GLYATL2: variants seen among roughly 807,000 people sequenced by gnomAD.
GLYATL2 encodes the protein glycine N-acyltransferase-like protein 2.
In GLYATL2, 25 loss-of-function variants were observed where a neutral mutation model predicts 21.4. The ratio of observed to expected loss-of-function variants is 1.17; its 90% CI spans 0.85 to 1.63. GLYATL2 has a LOEUF of 1.63. Among genes scored for constraint, GLYATL2 ranks in the 40% most tolerant of loss-of-function variants. The probability of loss-of-function intolerance (pLI) is 0.00; values close to 1 mark genes in which losing one functional copy is unlikely to be tolerated. For missense variants in GLYATL2, 361 were observed against 343.3 expected, an observed-to-expected ratio of 1.05 and a Z score of -0.41; for synonymous variants, 114 against 118.2, an observed-to-expected ratio of 0.96 and a Z score of 0.23.
chr11:58,855,927 C>T (rs538441379), intron 1 of GLYATL2, among the ~76,000 whole-genome samples: 11 of 152,132 alleles, frequency 7.2e-5, no homozygotes, highest in African/African-American at 2.7e-4. Context: ...AGTTTGAGAC[C>T]AGCCTGACCA....
At position 58,834,529 on chromosome 11, in the gene GLYATL2, T is replaced by C. The variant is rs1326377326; in HGVS notation, c.785A>G (p.Asp262Gly). 1 of 1,613,630 alleles carries C rather than the reference T, an allele frequency of 6.2e-7. No individual in the cohort carries two copies. Among genetic ancestry groups the C allele is most frequent in the African/African-American group, 1.3e-5 (1 of 74,908 alleles). ...TGCCTGTAGGCTTTTCTCATTATTA[T>C]CTGCCACATGGAAATAAAATGGGAT... Reference protein sequence around the residue: ...KEIPFYFHVADNNEKSLQALN... With the variant: ...KEIPFYFHVAGNNEKSLQALN... The change falls in exon 6 of 6, where the codon GAT (aspartate) becomes GGT (glycine). Residue 262 changes from aspartate (D) to glycine (G), a missense_variant. Transcript: ENST00000287275.
upstream of GLYATL2, among the ~76,000 whole-genome samples, chr11:58,848,042 A>G (rs562181328): frequency 1.3e-5 from 2 of 150,400 alleles, no homozygotes; most frequent in Admixed American, 1.3e-4. Context: ...GGAAGAAAAC[A>G]GAACAGTCTC....
chr11:58,844,001 G>A (rs1360305106), intron 1 of GLYATL2, among the ~76,000 whole-genome samples: 3 of 152,106 alleles, frequency 2.0e-5, no homozygotes, highest in Admixed American at 6.5e-5. Context: ...GAAAAGCATT[G>A]TTTTATTCTA....
chr11:58,850,207 T>C (rs1420887795), intron 1 of GLYATL2, among the ~76,000 whole-genome samples: 2 of 152,206 alleles, frequency 1.3e-5, no homozygotes, highest in East Asian at 1.9e-4. Flanking sequence ...TTCAGTGTGA[T>C]ACTAGCTGTA....
chr11:58,903,867 C>T (rs1854788442), intron 1 of GLYATL2, among the ~76,000 whole-genome samples: 1 of 152,170 alleles, frequency 6.6e-6, no homozygotes, highest in Non-Finnish European at 1.5e-5. Flanking sequence ...GTCCACTTCT[C>T]TCCTTATTTT....
rs1304052894 is a variant in GLYATL2, at chr11:58,837,015, T to G, written c.476A>C (p.Lys159Thr). The G allele has an allele frequency of 1.2e-6, 2 of 1,611,224 alleles. No individual in the cohort carries two copies. Among genetic ancestry groups the G allele is most frequent in the Admixed American group, 3.4e-5 (2 of 59,518 alleles). The stretch of plus-strand genomic sequence containing the variant: ...TGGGAAGCAAAAGGTAAAATCTCAC[T>G]TGTTATCATCATCCACTTCAAATAA... ...MELFEVDDDNKEGNFSNMFLD... is the reference protein window; with the variant it reads ...MELFEVDDDNTEGNFSNMFLD... The change falls in exon 5 of 6, where the codon AAG (lysine) becomes ACG (threonine). Residue 159 changes from lysine to threonine, a missense_variant and splice_region_variant. By Grantham distance (78) the Lys-to-Thr change is moderately conservative. Coordinates refer to ENST00000287275, the MANE Select transcript of GLYATL2 (RefSeq NM_145016.4).
intron 1 of GLYATL2, among the ~76,000 whole-genome samples, chr11:58,895,996 G>A (rs1363507351): frequency 6.6e-6 from 1 of 152,050 alleles, no homozygotes; most frequent in East Asian, 1.9e-4. Context: ...GGGATTACAG[G>A]CGCCCACCAC....
At chr11:58,901,908 C>T (rs1192984714) in intron 1 of GLYATL2, among the ~76,000 whole-genome samples, 1 of 152,124 alleles carries the variant, frequency 6.6e-6, no homozygotes, top group East Asian at 1.9e-4. Context: ...GTGAAGTCAC[C>T]CAGCCACATG....
At chr11:58,863,717 A>G (rs144334796) in intron 1 of GLYATL2, among the ~76,000 whole-genome samples, 2 of 151,814 alleles carry the variant, frequency 1.3e-5, no homozygotes, top group East Asian at 3.9e-4. Context: ...CTGGCCTAGA[A>G]CCTAGGTCTT....
At chr11:58,864,585 G>A (rs930912308) in intron 1 of GLYATL2, among the ~76,000 whole-genome samples, 8 of 149,168 alleles carry the variant, frequency 5.4e-5, no homozygotes, top group African/African-American at 1.9e-4. Flanking sequence ...GCCTGTCTGT[G>A]TGCTCTGCTG....
chr11:58,857,132 C>A (rs565247490), intron 1 of GLYATL2, among the ~76,000 whole-genome samples: 4 of 152,266 alleles, frequency 2.6e-5, no homozygotes, highest in Admixed American at 1.3e-4. Flanking sequence ...GATTTACATT[C>A]CCACCAACAG....
At chr11:58,882,190 C>A (rs1341896603) in intron 1 of GLYATL2, among the ~76,000 whole-genome samples, 3 of 152,208 alleles carry the variant, frequency 2.0e-5, no homozygotes, top group Admixed American at 2.0e-4. Flanking sequence ...AGTTTACACT[C>A]CCACCAACAG....
rs34669457 is a variant in GLYATL2 at position 58,853,827 on chromosome 11, TA to T, written n.61-15460del. On this transcript the variant is annotated intron_variant and non_coding_transcript_variant, in intron 1 of 4. Transcript: ENST00000533636. The stretch of plus-strand genomic sequence containing the variant: ...CTTTTAAGGTTTTGGTGAGAACACT[TA>T]AAATGTATTCTAATAACAATTTTCA... Among the ~76,000 whole-genome samples, 244 of 152,310 alleles carry T rather than the reference TA, an allele frequency of 1.6e-3. 1 individual carries two copies. The highest frequency in any genetic ancestry group is 5.6e-3 in the African/African-American group (234 of 41,552).
At position 58,852,946 on chromosome 11, in the gene GLYATL2, G is replaced by T. The variant is rs540340072; in HGVS notation, n.61-14578C>A. ...GCCTAAGTCAGCCAGTGAAGTGCTTGTAACCAACAATGCTAATGAGTAAAG... is the reference window on the plus strand; with the variant it reads ...GCCTAAGTCAGCCAGTGAAGTGCTTTTAACCAACAATGCTAATGAGTAAAG... On this transcript the variant is annotated intron_variant and non_coding_transcript_variant, in intron 1 of 4. Transcript: ENST00000533636. Among the ~76,000 whole-genome samples the T allele has an allele frequency of 9.7e-4, 147 of 152,298 alleles. 1 individual carries two copies. The highest frequency in any genetic ancestry group is 1.6e-3 in the Non-Finnish European group (107 of 68,022).
At chr11:58,873,361 G>T (rs538092877) in intron 1 of GLYATL2, among the ~76,000 whole-genome samples, 3 of 152,182 alleles carry the variant, frequency 2.0e-5, no homozygotes, top group African/African-American at 7.2e-5. Context: ...CCTGTCTTGT[G>T]CCAGTTTTCA....
intron 1 of GLYATL2, among the ~76,000 whole-genome samples, chr11:58,872,175 T>C (rs1432580735): frequency 1.4e-4 from 21 of 152,240 alleles, no homozygotes; most frequent in Non-Finnish European, 2.5e-4. Context: ...TTGTAGATTC[T>C]GGATATTAGC....
chr11:58,878,144 C>T (rs1158663818), intron 1 of GLYATL2, among the ~76,000 whole-genome samples: 2 of 152,138 alleles, frequency 1.3e-5, no homozygotes, highest in African/African-American at 4.8e-5. Context: ...CACAAGTCAC[C>T]CCTGGAGCCT....
At chr11:58,854,725 G>A (rs1590725073) in intron 1 of GLYATL2, among the ~76,000 whole-genome samples, 1 of 152,156 alleles carries the variant, frequency 6.6e-6, no homozygotes, top group East Asian at 1.9e-4. Flanking sequence ...TTTACCCACA[G>A]TAAAACTTCA....
At chr11:58,838,463 G>C in intron 2 of GLYATL2, 95 bp from the exon 3 acceptor site, 1 of 756,784 alleles carries the variant, frequency 1.3e-6, no homozygotes, top group Non-Finnish European at 2.2e-6. Context: ...GAGAAATAAG[G>C]ACAAGAAGTA....
Sources: gnomAD v4.1 joint callset for allele counts (sites outside exome capture counted in the v4.1 genomes callset) on GRCh38, gnomAD v4.1.1 for gene constraint, MANE v1.5 for transcripts, NCBI Gene and HGNC (gene_info 2026-07-23, HGNC 2026-07-21) for gene names.